Variants in TANK observed in about 807,000 individuals in gnomAD.
TANK encodes TRAF family member-associated NF-kappa-B activator.
A neutral mutation model predicts 43.6 loss-of-function variants in TANK; 15 were observed. The observed-to-expected ratio is 0.34, with a 90% CI of 0.23 to 0.53. The LOEUF (loss-of-function observed/expected upper bound fraction) is 0.53, where lower values mean the gene tolerates loss of function less well. TANK is among the 20% of genes least tolerant of loss of function. TANK has a pLI of 0.94. For missense variants in TANK, 417 were observed against 498.6 expected (o/e 0.84, Z 1.56); for synonymous variants, 162 against 178.2 (o/e 0.91, Z 0.73).
chr2:161,139,954 T>C, intron 1 of TANK: 1 of 953,768 alleles, frequency 1.0e-6, no homozygotes, highest in Non-Finnish European at 1.2e-6. Context: ...TAAGAAAATG[T>C]ATGCTAAAGA....
chr2:161,159,336 G>A (rs1373173843), upstream of TANK: 1 of 152,066 alleles, frequency 6.6e-6, no homozygotes, highest in Non-Finnish European at 1.5e-5. Flanking sequence ...GAAAGTATAT[G>A]GAAAATCTCT....
At chr2:161,208,882 G>C (rs185784401) in intron 4 of TANK, among the ~76,000 whole-genome samples, 166 of 152,296 alleles carry the variant, frequency 1.1e-3, no homozygotes, top group Admixed American at 1.8e-3. Context: ...TCACTAAGTA[G>C]TGGGGCAAGA....
intron 2 of TANK, among the ~76,000 whole-genome samples, chr2:161,199,414 T>C (rs1400009202): frequency 6.6e-6 from 1 of 151,996 alleles, no homozygotes; most frequent in Non-Finnish European, 1.5e-5. Flanking sequence ...TTTTCCCCTA[T>C]GTAAGAAATA....
intron 7 of TANK, among the ~76,000 whole-genome samples, chr2:161,233,578 T>C (rs1055822092): frequency 1.3e-5 from 2 of 152,166 alleles, no homozygotes; most frequent in African/African-American, 4.8e-5. Flanking sequence ...AGATTATTAT[T>C]GTTCTATGTG....
At chr2:161,230,460 A>G (rs1687852575) in intron 6 of TANK, among the ~76,000 whole-genome samples, 1 of 152,050 alleles carries the variant, frequency 6.6e-6, no homozygotes, top group Non-Finnish European at 1.5e-5. Flanking sequence ...CTTTTTCCCA[A>G]CTCCTGCAAC....
intron 2 of TANK, among the ~76,000 whole-genome samples, chr2:161,189,776 A>G (rs959765937): frequency 4.6e-5 from 7 of 152,196 alleles, no homozygotes; most frequent in Non-Finnish European, 1.0e-4. Flanking sequence ...ACACAAATAT[A>G]TGGAAAGAAA....
At chr2:161,227,334 T>A (rs995919978) in intron 6 of TANK, among the ~76,000 whole-genome samples, 1 of 152,204 alleles carries the variant, frequency 6.6e-6, no homozygotes, top group African/African-American at 2.4e-5. Flanking sequence ...GCTAGAAAAA[T>A]AATTCAAAGC....
chr2:161,164,890 C>T (rs914565806), intron 1 of TANK, among the ~76,000 whole-genome samples: 7 of 152,026 alleles, frequency 4.6e-5, no homozygotes, highest in African/African-American at 1.7e-4. Flanking sequence ...TAAATGATGG[C>T]AATTGTTTGT....
intron 1 of TANK, among the ~76,000 whole-genome samples, chr2:161,176,452 C>T (rs530649171): frequency 7.9e-5 from 12 of 152,152 alleles, no homozygotes; most frequent in South Asian, 6.2e-4. Context: ...AGGATGCATC[C>T]GTGTGGAATT....
intron 6 of TANK, among the ~76,000 whole-genome samples, chr2:161,229,624 T>TA (rs750311303): frequency 8.6e-5 from 13 of 151,780 alleles, no homozygotes; most frequent in Non-Finnish European, 1.6e-4. Flanking sequence ...CAGAAAAAAA[T>TA]ATATTGGAAT....
chr2:161,180,377 A>AG (rs1203519169), intron 2 of TANK, among the ~76,000 whole-genome samples: 2 of 152,154 alleles, frequency 1.3e-5, no homozygotes, highest in East Asian at 3.8e-4. Context: ...AAAATTACTT[A>AG]ACCTCATAGT....
At chr2:161,152,037 T>G (rs990306725) in intron 1 of TANK, among the ~76,000 whole-genome samples, 5 of 152,268 alleles carry the variant, frequency 3.3e-5, no homozygotes, top group African/African-American at 9.6e-5. Context: ...TTAGTTTCAG[T>G]AACATACAAA....
At chr2:161,152,481 A>C (rs922624582) in intron 1 of TANK, among the ~76,000 whole-genome samples, 3 of 152,120 alleles carry the variant, frequency 2.0e-5, no homozygotes, top group Admixed American at 2.0e-4. Flanking sequence ...TCTGGCCTTC[A>C]TAGTTTCAAA....
chr2:161,150,073 T>C (rs1245773601), intron 1 of TANK, among the ~76,000 whole-genome samples: 2 of 152,160 alleles, frequency 1.3e-5, no homozygotes, highest in Non-Finnish European at 2.9e-5. Context: ...TTTAAGTGCA[T>C]GGTAGAATTC....
At chr2:161,210,696 T>TAA (rs779556160) in intron 4 of TANK, among the ~76,000 whole-genome samples, 3 of 91,016 alleles carry the variant, frequency 3.3e-5, no homozygotes, top group African/African-American at 8.4e-5. Context: ...AAACTCCGTC[T>TAA]AAAAAAAAAA....
intron 2 of TANK, among the ~76,000 whole-genome samples, chr2:161,180,380 C>A (rs1450392912): frequency 6.6e-6 from 1 of 152,036 alleles, no homozygotes; most frequent in African/African-American, 2.4e-5. Context: ...ATTACTTAAC[C>A]TCATAGTTCT....
chr2:161,215,866 A>AT (rs535358735), intron 4 of TANK, among the ~76,000 whole-genome samples: 45 of 152,092 alleles, frequency 3.0e-4, no homozygotes, highest in Non-Finnish European at 6.2e-4. Context: ...TTCCTGAAAG[A>AT]TTTTTTTTCT....
intron 2 of TANK, chr2:161,180,225 A>G (rs1294978329): frequency 2.6e-5 from 15 of 587,500 alleles, no homozygotes; most frequent in Non-Finnish European, 3.0e-5. Flanking sequence ...CTTTATAACA[A>G]TTCAAAGTAG....
At chr2:161,162,172 A>G (rs1343673540) in intron 1 of TANK, among the ~76,000 whole-genome samples, 1 of 152,064 alleles carries the variant, frequency 6.6e-6, no homozygotes, top group Non-Finnish European at 1.5e-5. Flanking sequence ...CTTTAGACTC[A>G]TCTGTTGCTT....
Sources: allele counts gnomAD v4.1 joint callset (sites outside exome capture counted in the v4.1 genomes callset), GRCh38; gene constraint gnomAD v4.1.1; transcripts MANE v1.5; gene names NCBI Gene and HGNC (gene_info 2026-07-23, HGNC 2026-07-21).